Variants in XKR5 observed in about 807,000 individuals in gnomAD.
XKR5 encodes the protein XK related 5, also known as XK-related protein 5.
Under a neutral mutation model 40.8 loss-of-function variants are expected in XKR5, and 46 were observed. The ratio of observed to expected loss-of-function variants is 1.13; its 90% CI spans 0.89 to 1.44. The LOEUF is 1.44. Among genes scored for constraint, XKR5 ranks in the 40% most tolerant of loss-of-function variants. The pLI, the probability that XKR5 is intolerant of heterozygous loss-of-function variation, is 0.00. For synonymous variants in XKR5, 466 were observed against 356.1 expected (o/e 1.31, Z -3.48); for missense variants, 1,169 against 844.7 (o/e 1.38, Z -4.76).
In XKR5 at chr8:6,813,353, C is replaced by T. The variant is rs184265673; in HGVS notation, c.920-1014G>A. Among the ~76,000 whole-genome samples the T allele has an allele frequency of 3.3e-5, 5 of 152,320 alleles. 1 individual carries two copies. Among genetic ancestry groups the T allele is most frequent in the Admixed American group, 2.6e-4 (4 of 15,302 alleles). ...GGGACATATTGTCACCCTTCTTTTA[C>T]AAGCAGCCACCCAAGGCCAGGAAAG... is the stretch of plus-strand genomic sequence containing the variant. On this transcript the variant is annotated intron_variant, in intron 6 of 6. Transcript: ENST00000618742.
At chr8:6,831,241 C>T (rs1804749398) in intron 2 of XKR5, among the ~76,000 whole-genome samples, 1 of 152,184 alleles carries the variant, frequency 6.6e-6, no homozygotes, top group Non-Finnish European at 1.5e-5. Flanking sequence ...AGGCTCTGAC[C>T]CTATGAGGCC....
chr8:6,821,778 G>T, intron 5 of XKR5, 91 bp downstream of exon 5: 1 of 1,131,406 alleles, frequency 8.8e-7, no homozygotes, highest in Non-Finnish European at 1.2e-6. Context: ...GTGCATTGGT[G>T]CACACACACA....
rs568179271 is a variant in XKR5 at position 6,835,509 on chromosome 8, C to G, written c.-16G>C. On this transcript the variant is annotated 5_prime_UTR_variant, in exon 1 of 7. Coordinates refer to ENST00000618742, the MANE Select transcript of XKR5 (RefSeq NM_207411.5). ...TCGCGTGCATCTTCCGTGCCGACCC[C>G]GCAGCCTGCGCCCGCCCCTTCCCCT... 3 of 1,492,566 alleles carry G rather than the reference C, an allele frequency of 2.0e-6. No homozygotes were observed. Among genetic ancestry groups the G allele is most frequent in the African/African-American group, 1.4e-5 (1 of 69,140 alleles). The allele number at this position is 1,492,566 out of a possible 1,614,324, so 92.5% of individuals were successfully genotyped here. A position where few individuals can be genotyped will look rare whatever the true frequency, so the allele number is the denominator to read the frequency against.
intron 1 of XKR5, 54 bp downstream of exon 1, chr8:6,835,382 G>T: frequency 6.6e-6 from 9 of 1,362,896 alleles, no homozygotes; most frequent in Non-Finnish European, 8.5e-6. Flanking sequence ...TCCCGGCGCC[G>T]GGGTGGGGTT....
intron 1 of XKR5, among the ~76,000 whole-genome samples, chr8:6,834,162 G>A (rs1367235831): frequency 6.6e-6 from 1 of 152,222 alleles, no homozygotes; most frequent in Non-Finnish European, 1.5e-5. Flanking sequence ...TGATCTTGGA[G>A]GCGGTGCGCT....
At chr8:6,831,574 G>C (rs989596753) in intron 2 of XKR5, among the ~76,000 whole-genome samples, 2 of 152,130 alleles carry the variant, frequency 1.3e-5, no homozygotes, top group African/African-American at 2.4e-5. Flanking sequence ...AAAGTCTTGG[G>C]AATAGCTTGC....
intron 5 of XKR5, among the ~76,000 whole-genome samples, chr8:6,820,232 G>C (rs1216168604): frequency 6.6e-6 from 1 of 152,234 alleles, no homozygotes; most frequent in African/African-American, 2.4e-5. Context: ...GCCTGGATGG[G>C]TCTGTGCACA....
At chr8:6,814,618 T>C (rs1803878209) in intron 6 of XKR5, among the ~76,000 whole-genome samples, 2 of 152,282 alleles carry the variant, frequency 1.3e-5, no homozygotes, top group South Asian at 2.1e-4. Context: ...GGGGAAAACC[T>C]GGTAATGGGT....
In XKR5 at chr8:6,832,705, A is replaced by C; in HGVS notation, c.242+12T>G. On this transcript the variant is annotated intron_variant, in intron 2 of 6. Transcript: ENST00000618742. ...ATTGTGCTCCAGAGGTGAAAGAGGC[A>C]GCTGTTCTTACCGCTTCCAAACACC... 6.2e-7 allele frequency: 1 copy of C among 1,612,618 alleles called. No individual in the cohort carries two copies. Among genetic ancestry groups the C allele is most frequent in the Admixed American group, 1.7e-5 (1 of 59,740 alleles).
intron 5 of XKR5, among the ~76,000 whole-genome samples, chr8:6,818,908 G>A (rs1386352817): frequency 6.6e-6 from 1 of 152,180 alleles, no homozygotes; most frequent in African/African-American, 2.4e-5. Context: ...CAGGTATGGT[G>A]GTATGCACCC....
intron 5 of XKR5, among the ~76,000 whole-genome samples, chr8:6,820,047 C>T (rs913792402): frequency 6.6e-6 from 1 of 152,246 alleles, no homozygotes; most frequent in African/African-American, 2.4e-5. Context: ...TAGCAACAAC[C>T]ATTTCAGAGA....
Position 6,832,771 on chromosome 8 carries a change from G to C in XKR5, c.188C>G (p.Pro63Arg), listed in dbSNP as rs1001927223. ...SYLWFRADGH[P>R]GHCSLMMLHL... Reference sequence around the variant, plus strand: ...CAGCATCATCAAGGAGCAATGCCCTGGATGCCCGTCTGCTCGGAACCACAG... The same window carrying C: ...CAGCATCATCAAGGAGCAATGCCCTCGATGCCCGTCTGCTCGGAACCACAG... Residue 63 changes from proline to arginine, a missense_variant, in exon 2 of 7, where the codon CCA (proline) becomes CGA (arginine). Transcript: ENST00000618742. 6.2e-7 allele frequency: 1 copy of C among 1,613,304 alleles called. No individual in the cohort carries two copies. Among genetic ancestry groups the C allele is most frequent in the Admixed American group, 1.7e-5 (1 of 59,922 alleles).
intron 1 of XKR5, among the ~76,000 whole-genome samples, chr8:6,834,801 A>T (rs1187006714): frequency 1.3e-5 from 2 of 152,146 alleles, no homozygotes. Flanking sequence ...AAATGGGGCC[A>T]TCTTGCTCCG....
intron 5 of XKR5, among the ~76,000 whole-genome samples, chr8:6,816,606 C>T (rs972666971): frequency 9.4e-5 from 14 of 149,504 alleles, no homozygotes; most frequent in African/African-American, 2.2e-4. Context: ...AATTCAAAGA[C>T]GATATATTTA....
chr8:6,828,642 C>T (rs941379664), intron 2 of XKR5, among the ~76,000 whole-genome samples: 1 of 152,200 alleles, frequency 6.6e-6, no homozygotes, highest in Non-Finnish European at 1.5e-5. Context: ...TCCTCACAGT[C>T]GCTGCATCAT....
At chr8:6,830,015 T>C (rs1425302752) in intron 2 of XKR5, among the ~76,000 whole-genome samples, 1 of 151,894 alleles carries the variant, frequency 6.6e-6, no homozygotes. Context: ...TTTTTTGTAT[T>C]TTTAGTAGAG....
chr8:6,829,078 G>A (rs990354705), intron 2 of XKR5: 3 of 153,160 alleles, frequency 2.0e-5, no homozygotes, highest in Non-Finnish European at 4.4e-5. Flanking sequence ...GGATCCTGAG[G>A]CAGGACTGGG....
chr8:6,832,577 G>A, intron 2 of XKR5, 140 bp downstream of exon 2: 1 of 1,020,032 alleles, frequency 9.8e-7, no homozygotes, highest in East Asian at 2.7e-5. Context: ...ATCAGAGCAG[G>A]GGTTTGCTGT....
chr8:6,823,640 G>T lies in XKR5; in HGVS notation c.518C>A (p.Ala173Asp). Residue 173 changes from alanine (A) to aspartate (D), a missense_variant, in exon 4 of 7, where the codon GCC (alanine) becomes GAC (aspartate). Ala to Asp is a moderately radical substitution (Grantham distance 126). Transcript: ENST00000618742. ...GCAGAAGAGGGCGGCCCATGGCATGGCCAGGTGGCCTGGCTTCATGAAGCC... is the reference window on the plus strand; with the variant it reads ...GCAGAAGAGGGCGGCCCATGGCATGTCCAGGTGGCCTGGCTTCATGAAGCC... ...FMGFMKPGHL[A>D]MPWAALFCQQ... 22 of 1,593,058 alleles carry T rather than the reference G, an allele frequency of 1.4e-5. No homozygotes were observed. Among genetic ancestry groups the T allele is most frequent in the Non-Finnish European group, 1.7e-5 (20 of 1,169,974 alleles).
Sources: allele counts gnomAD v4.1 joint callset (sites outside exome capture counted in the v4.1 genomes callset), GRCh38; gene constraint gnomAD v4.1.1; transcripts MANE v1.5; gene names NCBI Gene and HGNC (gene_info 2026-07-23, HGNC 2026-07-21).